CAMTA1: variants seen among roughly 807,000 people sequenced by gnomAD.
The protein encoded by CAMTA1 is calmodulin binding transcription activator 1, also known as calmodulin-binding transcription activator 1.
A neutral mutation model predicts 170.9 loss-of-function variants in CAMTA1; 27 were observed. The observed-to-expected ratio is 0.16, with a 90% CI of 0.12 to 0.22. The LOEUF is 0.22. CAMTA1 is among the 10% of genes least tolerant of loss of function. The pLI is 1.00. For missense variants in CAMTA1, 1,619 were observed against 2,217.2 expected (o/e 0.73, Z 5.42); for synonymous variants, 833 against 891.5 (o/e 0.93, Z 1.17).
chr1:7,114,550 C>T (rs905292949), intron 4 of CAMTA1, among the ~76,000 whole-genome samples: 19 of 152,158 alleles, frequency 1.2e-4, no homozygotes, highest in African/African-American at 4.6e-4. Context: ...CTGCATGTGG[C>T]CTGTGGGCTG....
chr1:6,816,708 A>G (rs1557615856), intron 1 of CAMTA1, among the ~76,000 whole-genome samples: 1 of 152,150 alleles, frequency 6.6e-6, no homozygotes, highest in African/African-American at 2.4e-5. Context: ...CTTAGTAGTG[A>G]GTGGTGGACT....
chr1:7,111,829 A>C (rs1644060187), intron 4 of CAMTA1, among the ~76,000 whole-genome samples: 1 of 149,478 alleles, frequency 6.7e-6, no homozygotes. Flanking sequence ...AGGTTGCAGT[A>C]AGCTGAGATT....
chr1:7,735,575 G>C, intron 12 of CAMTA1, among the ~76,000 whole-genome samples: 1 of 152,176 alleles, frequency 6.6e-6, no homozygotes, highest in African/African-American at 2.4e-5. Flanking sequence ...AGGAAGGCTA[G>C]AACCACTTTT....
intron 3 of CAMTA1, among the ~76,000 whole-genome samples, chr1:7,011,042 C>T (rs115796277): frequency 2.0e-5 from 3 of 152,298 alleles, no homozygotes; most frequent in Non-Finnish European, 4.4e-5. Flanking sequence ...TCCCGACAGA[C>T]GCCTACTGGT....
intron 3 of CAMTA1, among the ~76,000 whole-genome samples, chr1:6,868,379 A>T (rs1320278121): frequency 6.6e-6 from 1 of 151,646 alleles, no homozygotes; most frequent in Non-Finnish European, 1.5e-5. Context: ...TTAAAAAACG[A>T]CTGTATAGGG....
At chr1:7,159,105 T>A (rs748307053) in intron 4 of CAMTA1, among the ~76,000 whole-genome samples, 26 of 152,132 alleles carry the variant, frequency 1.7e-4, no homozygotes, top group Admixed American at 9.8e-4. Flanking sequence ...TTTCTTTTTT[T>A]AAAGGAAATA....
chr1:7,064,692 G>A lies in CAMTA1; in HGVS notation c.235-26612G>A, dbSNP rs745721240. Among the ~76,000 whole-genome samples, 1 of 151,992 alleles carries A rather than the reference G, an allele frequency of 6.6e-6. No homozygotes were observed. Among genetic ancestry groups the A allele is most frequent in the Non-Finnish European group, 1.5e-5 (1 of 67,990 alleles). On this transcript the variant is annotated intron_variant, in intron 3 of 22. Transcript: ENST00000303635. The surrounding 1 kb of genome is among the most constrained non-coding windows in gnomAD (Gnocchi z 5.4). ...GACTGAAGCATGTCCCGGGACTGAA[G>A]GAAGTGGGGGCTGGAGTCCAGAGAT...
chr1:7,229,878 G>A (rs1477630395), intron 4 of CAMTA1, among the ~76,000 whole-genome samples: 5 of 152,122 alleles, frequency 3.3e-5, no homozygotes, highest in Admixed American at 6.5e-5. Context: ...CCGGCTCCCC[G>A]ATGACCATTG....
chr1:7,350,721 T>C (rs537619232), intron 5 of CAMTA1, among the ~76,000 whole-genome samples: 2 of 151,872 alleles, frequency 1.3e-5, no homozygotes, highest in Non-Finnish European at 2.9e-5. Flanking sequence ...GGAAGTCATA[T>C]GGTGTGTGTG....
Position 7,139,509 on chromosome 1 carries a change from C to T in CAMTA1, c.302+48138C>T, listed in dbSNP as rs151286853. 5.9e-5 allele frequency among the ~76,000 whole-genome samples: 9 copies of T among 151,868 alleles called. No homozygotes were observed. In the East Asian group the frequency reaches 1.4e-3, roughly 23 times the overall value. On this transcript the variant is annotated intron_variant, in intron 4 of 22. Transcript: ENST00000303635. ...CAGGGGCATGTTTGCTTATTAAGCT[C>T]GCAGTTTAAGAGCCCCTCCCTGGAA... is the stretch of plus-strand genomic sequence containing the variant.
rs796132279 is a variant in CAMTA1 at position 7,547,116 on chromosome 1, C to A, written c.510+79215C>A. Among the ~76,000 whole-genome samples, 21 of 152,236 alleles carry A rather than the reference C, an allele frequency of 1.4e-4. 1 individual carries two copies. The highest frequency in any genetic ancestry group is 5.1e-4 in the African/African-American group (21 of 41,524). On this transcript the variant is annotated intron_variant, in intron 6 of 22. Transcript: ENST00000303635. The surrounding 1 kb of genome is among the most constrained non-coding windows in gnomAD (Gnocchi z 5.7). Reference sequence around the variant, plus strand: ...TTTGGTTGGTGGACCTCCATTCAAGCTGGTTTCTGGGTCATTTGATATAAG... The same window carrying A: ...TTTGGTTGGTGGACCTCCATTCAAGATGGTTTCTGGGTCATTTGATATAAG...
intron 6 of CAMTA1, among the ~76,000 whole-genome samples, chr1:7,591,831 C>T (rs1027358417): frequency 1.3e-5 from 2 of 152,242 alleles, no homozygotes; most frequent in South Asian, 2.1e-4. Flanking sequence ...TGGCAGCTCC[C>T]TCTGCCCGCC....
chr1:7,410,161 G>A (rs78184817), intron 5 of CAMTA1, among the ~76,000 whole-genome samples: 1,605 of 152,350 alleles, frequency 0.011, 69 homozygotes, highest in East Asian at 0.093. Context: ...CTGTAAATGC[G>A]TAAACTTAGG....
intron 5 of CAMTA1, among the ~76,000 whole-genome samples, chr1:7,459,083 A>G (rs929412877): frequency 5.3e-5 from 8 of 152,192 alleles, no homozygotes; most frequent in African/African-American, 1.9e-4. Flanking sequence ...GCGGGTCCCA[A>G]AGAAGACCTG....
rs1293477986 is a variant in CAMTA1, at chr1:7,093,318, C to T, written c.302+1947C>T. On this transcript the variant is annotated intron_variant, in intron 4 of 22. Transcript: ENST00000303635. The surrounding 1 kb of genome is among the most constrained non-coding windows in gnomAD (Gnocchi z 4.6). ...CTGGTCTGGGACTGTACTTTGAGGG[C>T]CACTGGCCTAGTTTTCTGGGGGAGA... Among the ~76,000 whole-genome samples, 2 of 152,120 alleles carry T rather than the reference C, an allele frequency of 1.3e-5. No individual in the cohort carries two copies. Among genetic ancestry groups the T allele is most frequent in the African/African-American group, 4.8e-5 (2 of 41,412 alleles).
intron 6 of CAMTA1, among the ~76,000 whole-genome samples, chr1:7,498,050 G>T (rs1168241521): frequency 6.6e-6 from 1 of 152,046 alleles, no homozygotes; most frequent in Non-Finnish European, 1.5e-5. Flanking sequence ...AGTCCTTATG[G>T]AAAGAGGGGG....
At chr1:7,754,284 C>CTA (rs1167357633) in intron 21 of CAMTA1, among the ~76,000 whole-genome samples, 1 of 152,212 alleles carries the variant, frequency 6.6e-6, no homozygotes, top group Non-Finnish European at 1.5e-5. Flanking sequence ...TAACACCACT[C>CTA]TTCTTTAGGC....
At chr1:6,951,216 C>CATCT (rs1688428553) in intron 3 of CAMTA1, among the ~76,000 whole-genome samples, 1 of 152,216 alleles carries the variant, frequency 6.6e-6, no homozygotes. Flanking sequence ...AGGAGTCTGA[C>CATCT]ATCTGTCTGC....
At chr1:6,898,193 C>T (rs1213189051) in intron 3 of CAMTA1, among the ~76,000 whole-genome samples, 1 of 152,112 alleles carries the variant, frequency 6.6e-6, no homozygotes, top group African/African-American at 2.4e-5. Context: ...TTAGAGGAAA[C>T]TAATTATTAT....
Sources: allele counts gnomAD v4.1 joint callset (sites outside exome capture counted in the v4.1 genomes callset), GRCh38; gene constraint gnomAD v4.1.1; non-coding constraint Gnocchi (gnomAD v3.1); transcripts MANE v1.5; gene names NCBI Gene and HGNC (gene_info 2026-07-23, HGNC 2026-07-21).